Variants in PRKCD observed in about 807,000 individuals in gnomAD.
The protein encoded by PRKCD is protein kinase C delta type.
PRKCD carries 20 observed loss-of-function variants against 82.2 expected under a neutral mutation model. The ratio of observed to expected loss-of-function variants is 0.24; its 90% CI spans 0.17 to 0.35. The LOEUF is 0.35. PRKCD is among the 10% of genes least tolerant of loss of function. The pLI is 1.00. For missense variants in PRKCD, 607 were observed against 899.0 expected, an observed-to-expected ratio of 0.68 and a Z score of 4.15; for synonymous variants, 317 against 337.0, an observed-to-expected ratio of 0.94 and a Z score of 0.65.
intron 3 of PRKCD, among the ~76,000 whole-genome samples, chr3:53,179,045 A>G (rs569938911): frequency 1.2e-4 from 18 of 152,250 alleles, no homozygotes; most frequent in Admixed American, 3.3e-4. Flanking sequence ...GTGAACCCCT[A>G]TTTGTCCCTC....
intron 9 of PRKCD, among the ~76,000 whole-genome samples, chr3:53,184,413 C>T (rs78575386): frequency 6.6e-6 from 1 of 151,818 alleles, no homozygotes; most frequent in Admixed American, 6.6e-5. Context: ...TGGTGGCTCA[C>T]ACCTGTAATC....
At chr3:53,179,186 T>C (rs1393416910) in intron 3 of PRKCD, among the ~76,000 whole-genome samples, 1 of 152,176 alleles carries the variant, frequency 6.6e-6, no homozygotes, top group Admixed American at 6.5e-5. Context: ...GAGGAAGGAG[T>C]TGGTGCATTC....
intron 2 of PRKCD, among the ~76,000 whole-genome samples, chr3:53,177,287 C>T (rs1166364628): frequency 2.0e-5 from 3 of 152,150 alleles, no homozygotes; most frequent in East Asian, 3.9e-4. Flanking sequence ...ACCATGCCCA[C>T]CTGTTTTATA....
At chr3:53,183,284 C>A (rs1056482766) in intron 8 of PRKCD, 78 bp downstream of exon 8, 18 of 1,557,834 alleles carry the variant, frequency 1.2e-5, no homozygotes, top group Non-Finnish European at 1.5e-5. Flanking sequence ...TCTCCCCACC[C>A]TCCCTGGGGA....
At chr3:53,176,578 T>C (rs1703220294) in intron 2 of PRKCD, among the ~76,000 whole-genome samples, 1 of 152,240 alleles carries the variant, frequency 6.6e-6, no homozygotes. Context: ...CAAAATCGAA[T>C]GAGCGCTCCC....
In PRKCD at chr3:53,189,144, C is replaced by G. The variant is rs782783185; in HGVS notation, c.1641C>G (p.Pro547=). The G allele has an allele frequency of 5.6e-6, 9 of 1,614,084 alleles. No homozygotes were observed. Among genetic ancestry groups the G allele is most frequent in the Non-Finnish European group, 7.6e-6 (9 of 1,180,040 alleles). ...LLYEMLIGQS[P]FHGDDEDELF... ...ACGAGATGCTCATTGGCCAGTCCCC[C>G]TTCCATGGTGATGATGAGGATGAAC... Residue 547 remains proline, a synonymous_variant, in exon 17 of 19, where the codon CCC becomes CCG. Coordinates refer to ENST00000330452, the MANE Select transcript of PRKCD (RefSeq NM_006254.4).
intron 1 of PRKCD, among the ~76,000 whole-genome samples, chr3:53,164,491 G>A (rs1366351648): frequency 2.0e-5 from 3 of 152,024 alleles, no homozygotes; most frequent in South Asian, 2.1e-4. Flanking sequence ...GCTGAGGCAC[G>A]AGAATCACTT....
At chr3:53,163,784 T>A (rs1553663432) in intron 1 of PRKCD, among the ~76,000 whole-genome samples, 1 of 151,860 alleles carries the variant, frequency 6.6e-6, no homozygotes, top group Non-Finnish European at 1.5e-5. Context: ...CCCCTTCCCA[T>A]CTCCTTGACC....
chr3:53,183,346 A>C, intron 8 of PRKCD, 106 bp from the exon 9 acceptor site: 3 of 1,575,620 alleles, frequency 1.9e-6, no homozygotes. Flanking sequence ...CTCCCAGTGG[A>C]GCTCTCTTGG....
In PRKCD at chr3:53,179,698, G is replaced by T; in HGVS notation, c.237G>T (p.Glu79Asp). Residue 79 changes from glutamate to aspartate, a missense_variant, in exon 4 of 19, where the codon GAG becomes GAT. Transcript: ENST00000330452. ...IQIVLMRAAE[E>D]PVSEVTVGVS... ...TTGTGCTAATGCGGGCAGCAGAGGA[G>T]CCAGTGTCTGAGGTGACCGTGGGTG... 6.2e-7 allele frequency: 1 copy of T among 1,609,914 alleles called. No homozygotes were observed. Among genetic ancestry groups the T allele is most frequent in the Non-Finnish European group, 8.5e-7 (1 of 1,177,596 alleles).
chr3:53,178,414 G>C lies in PRKCD; in HGVS notation c.-9G>C. ...CCTCTGTGTGCACAGCCCCACTGCA[G>C]GCCCCACCATGGCGCCGTTCCTGCG... On this transcript the variant is annotated 5_prime_UTR_variant, in exon 3 of 19. Coordinates refer to ENST00000330452, the MANE Select transcript of PRKCD (RefSeq NM_006254.4). 6.2e-7 allele frequency: 1 copy of C among 1,609,190 alleles called. No homozygotes were observed. The highest frequency in any genetic ancestry group is 8.5e-7 in the Non-Finnish European group (1 of 1,178,598).
intron 2 of PRKCD, among the ~76,000 whole-genome samples, chr3:53,167,240 C>T (rs1702864190): frequency 6.6e-6 from 1 of 152,202 alleles, no homozygotes; most frequent in African/African-American, 2.4e-5. Context: ...CTTGCCTGCC[C>T]AGGGGAGCAG....
chr3:53,164,708 TA>T (rs1245511957), intron 1 of PRKCD, among the ~76,000 whole-genome samples: 1 of 151,910 alleles, frequency 6.6e-6, no homozygotes, highest in African/African-American at 2.4e-5. Context: ...GTTTCCCCAT[TA>T]AAAAAACTGA....
Position 53,176,327 on chromosome 3 carries a change from C to A in PRKCD, c.-19-2077C>A, listed in dbSNP as rs540867488. Among the ~76,000 whole-genome samples the A allele has an allele frequency of 2.0e-5, 3 of 152,380 alleles. No homozygotes were observed. The South Asian group carries it at 6.2e-4, about 32-fold the overall frequency. ...GCTCTCTGCTTTGGCAGCTGCTGGCCTCAGAGGGCTGCCTGGACTCACTGG... is the reference window on the plus strand; with the variant it reads ...GCTCTCTGCTTTGGCAGCTGCTGGCATCAGAGGGCTGCCTGGACTCACTGG... On this transcript the variant is annotated intron_variant, in intron 2 of 18. Coordinates refer to ENST00000330452, the MANE Select transcript of PRKCD (RefSeq NM_006254.4).
intron 15 of PRKCD, among the ~76,000 whole-genome samples, chr3:53,188,302 A>G (rs1276224353): frequency 6.6e-6 from 1 of 150,510 alleles, no homozygotes; most frequent in East Asian, 2.0e-4. Flanking sequence ...AGTGGAAGGT[A>G]GACTTTGTAC....
At chr3:53,188,096 G>A (rs1703774914) in intron 15 of PRKCD, among the ~76,000 whole-genome samples, 2 of 142,898 alleles carry the variant, frequency 1.4e-5, no homozygotes, top group Admixed American at 7.5e-5. Flanking sequence ...GCTGAGGCAG[G>A]AGAATTGCTT....
At chr3:53,179,063 G>A (rs907884945) in intron 3 of PRKCD, among the ~76,000 whole-genome samples, 4 of 152,162 alleles carry the variant, frequency 2.6e-5, no homozygotes, top group South Asian at 2.1e-4. Flanking sequence ...CTCAGGTCTC[G>A]GCTGAACTGT....
intron 2 of PRKCD, among the ~76,000 whole-genome samples, chr3:53,176,078 C>G (rs1703204105): frequency 6.6e-6 from 1 of 152,218 alleles, no homozygotes; most frequent in South Asian, 2.1e-4. Flanking sequence ...ATGCTGCAGC[C>G]TGGGGAGCAG....
At position 53,183,171 on chromosome 3, in the gene PRKCD, T is replaced by C; in HGVS notation, c.622T>C (p.Cys208Arg). Reference sequence around the variant, plus strand: ...ATGCATCGACAAGATCATCGGCAGATGCACTGGCACCGCGGCCAACAGCCG... The same window carrying C: ...ATGCATCGACAAGATCATCGGCAGACGCACTGGCACCGCGGCCAACAGCCG... ...KKCIDKIIGR[C>R]TGTAANSRDT... is the part of the protein sequence containing the mutation. Residue 208 changes from cysteine to arginine, a missense_variant, in exon 8 of 19, where the codon TGC (cysteine) becomes CGC (arginine). Coordinates refer to ENST00000330452, the MANE Select transcript of PRKCD (RefSeq NM_006254.4). The C allele has an allele frequency of 6.2e-7, 1 of 1,614,192 alleles. No individual in the cohort carries two copies. The highest frequency in any genetic ancestry group is 8.5e-7 in the Non-Finnish European group (1 of 1,180,018).
Sources: allele counts gnomAD v4.1 joint callset (sites outside exome capture counted in the v4.1 genomes callset), GRCh38; gene constraint gnomAD v4.1.1; transcripts MANE v1.5; gene names NCBI Gene and HGNC (gene_info 2026-07-23, HGNC 2026-07-21).